ATP8B3: variants seen among roughly 807,000 people sequenced by gnomAD.
The protein encoded by ATP8B3 is ATPase phospholipid transporting 8B3.
A neutral mutation model predicts 140.9 loss-of-function variants in ATP8B3; 141 were observed. The observed-to-expected ratio is 1.00, with a 90% CI of 0.87 to 1.15. The LOEUF is 1.15. Ranked by LOEUF, ATP8B3 falls within the 50% of genes most tolerant of loss-of-function variation. The probability of loss-of-function intolerance (pLI) is 0.00; values close to 1 mark genes in which losing one functional copy is unlikely to be tolerated. For missense variants in ATP8B3, 1,874 were observed against 1,740.6 expected, an observed-to-expected ratio of 1.08 and a Z score of -1.36; for synonymous variants, 765 against 714.6, an observed-to-expected ratio of 1.07 and a Z score of -1.13.
At position 1,806,172 on chromosome 19, in the gene ATP8B3, G is replaced by A. The variant is rs779678890; in HGVS notation, c.678-3C>T. The A allele has an allele frequency of 4.4e-6, 7 of 1,587,402 alleles. No individual in the cohort carries two copies. Among genetic ancestry groups the A allele is most frequent in the Non-Finnish European group, 5.1e-6 (6 of 1,167,454 alleles). Reference sequence around the variant, plus strand: ...CCTGCCATTTCTTCTGCTTGAAGCTGCGGGGAGAGGGGGTTGTGAAGGAGG... The same window carrying A: ...CCTGCCATTTCTTCTGCTTGAAGCTACGGGGAGAGGGGGTTGTGAAGGAGG... On this transcript the variant is annotated splice_region_variant and splice_polypyrimidine_tract_variant and intron_variant, in intron 7 of 28. Coordinates refer to ENST00000310127, the MANE Select transcript of ATP8B3 (RefSeq NM_138813.4). The surrounding 1 kb of genome is among the most constrained non-coding windows in gnomAD (Gnocchi z 5.6).
At chr19:1,797,701 T>C (rs1366465763) in intron 14 of ATP8B3, among the ~76,000 whole-genome samples, 1 of 151,784 alleles carries the variant, frequency 6.6e-6, no homozygotes, top group Non-Finnish European at 1.5e-5. Context: ...GGTTTCACCA[T>C]GTTGGCCAGG....
chr19:1,789,209 G>A, intron 23 of ATP8B3, 89 bp from the exon 24 acceptor site: 1 of 810,326 alleles, frequency 1.2e-6, no homozygotes, highest in Non-Finnish European at 1.8e-6. Flanking sequence ...CCCCCTATCA[G>A]CCCCCCCCAT....
chr19:1,806,116 C>A lies in ATP8B3; in HGVS notation c.731G>T (p.Arg244Leu). ...DLCVGDVVCL[R>L]KDNIVPADML... ...GCTCACTGGGACGATGTTGTCCTTG[C>A]GGAGACAGACCACATCCCCCACGCA... The change falls in exon 8 of 29, where the codon CGC becomes CTC. Residue 244 changes from arginine to leucine, a missense_variant. Transcript: ENST00000310127. The surrounding 1 kb of genome is among the most constrained non-coding windows in gnomAD (Gnocchi z 5.6). The A allele has an allele frequency of 1.9e-6, 3 of 1,602,688 alleles. No individual in the cohort carries two copies. Among genetic ancestry groups the A allele is most frequent in the East Asian group, 2.3e-5 (1 of 44,234 alleles).
intron 20 of ATP8B3, 86 bp from the exon 21 acceptor site, chr19:1,790,918 G>T (rs2068488591): frequency 8.0e-7 from 1 of 1,246,272 alleles, no homozygotes; most frequent in South Asian, 1.4e-5. Context: ...GGTGAATCCT[G>T]GCCCGACCAA....
Position 1,807,330 on chromosome 19 carries a change from C to G in ATP8B3, c.517-64G>C. On this transcript the variant is annotated intron_variant, in intron 5 of 28. Transcript: ENST00000310127. The surrounding 1 kb of genome is among the most constrained non-coding windows in gnomAD (Gnocchi z 5.9). The stretch of plus-strand genomic sequence containing the variant: ...ACTCCCCCGTCCCCTGCCCTTCCAC[C>G]AAGCCGACCTAGCCCCGCACTCGAC... 7.3e-7 allele frequency: 1 copy of G among 1,372,498 alleles called. No individual in the cohort carries two copies. Among genetic ancestry groups the G allele is most frequent in the Non-Finnish European group, 1.0e-6 (1 of 971,410 alleles). 85.0% of individuals were successfully genotyped at this position (1,372,498 alleles called of 1,614,324 possible). A position where few individuals can be genotyped will look rare whatever the true frequency, so the allele number is the denominator to read the frequency against.
Position 1,789,078 on chromosome 19 carries a change from T to A in ATP8B3, c.2888A>T (p.Gln963Leu), listed in dbSNP as rs757030455. 1.9e-6 allele frequency: 3 copies of A among 1,588,154 alleles called. No individual in the cohort carries two copies. The highest frequency in any genetic ancestry group is 3.5e-5 in the Admixed American group (2 of 57,436). Residue 963 changes from glutamine to leucine, a missense_variant, in exon 24 of 29, where the codon CAG becomes CTG. Coordinates refer to ENST00000310127, the MANE Select transcript of ATP8B3 (RefSeq NM_138813.4). ...CACGAAGTCGCTGTTCTGAACTGCC[T>A]GCATGCCCTCCTGGCCCGCCAGCCC... ...GVGLAGQEGM[Q>L]AVQNSDFVLG...
In ATP8B3 at chr19:1,790,714, C is replaced by T. The variant is rs770276081; in HGVS notation, c.2378+43G>A. The T allele has an allele frequency of 2.6e-6, 4 of 1,531,904 alleles. No homozygotes were observed. In the African/African-American group the frequency reaches 5.9e-5, roughly 23 times the overall value. 94.9% of individuals were successfully genotyped at this position (1,531,904 alleles called of 1,614,324 possible). On this transcript the variant is annotated intron_variant, in intron 21 of 28. Coordinates refer to ENST00000310127, the MANE Select transcript of ATP8B3 (RefSeq NM_138813.4). ...GCACCTGGGTGCTCCTTGTCCTCAC[C>T]TCCCCACTCCCCTTGCTCACCCCCC...
At chr19:1,809,593 G>A (rs1276968895) in intron 4 of ATP8B3, 50 bp downstream of exon 4, 14 of 1,497,752 alleles carry the variant, frequency 9.3e-6, no homozygotes, top group Non-Finnish European at 1.2e-5. Context: ...TTCCCCGAGG[G>A]TACCACGGCA....
In ATP8B3 at chr19:1,785,637, G is replaced by C. The variant is rs769203348; in HGVS notation, c.3225C>G (p.Asn1075Lys). 1.2e-6 allele frequency: 2 copies of C among 1,613,348 alleles called. No homozygotes were observed. The highest frequency in any genetic ancestry group is 1.7e-6 in the Non-Finnish European group (2 of 1,179,882). ...YVVGQKDELF[N>K]YWVFVQAIAH... ...CGATGGCTTGGACGAAGACCCAGTAGTTGAAGAGCTCGTCCTTCTGCCCCA... is the reference window on the plus strand; with the variant it reads ...CGATGGCTTGGACGAAGACCCAGTACTTGAAGAGCTCGTCCTTCTGCCCCA... The change falls in exon 26 of 29, where the codon AAC becomes AAG. Residue 1075 changes from asparagine to lysine, a missense_variant. Coordinates refer to ENST00000310127, the MANE Select transcript of ATP8B3 (RefSeq NM_138813.4).
Position 1,804,405 on chromosome 19 carries a change from C to T in ATP8B3, c.904+969G>A, listed in dbSNP as rs556226522. The stretch of plus-strand genomic sequence containing the variant: ...CAGGTGGATCACAAGGTCAGGAGAT[C>T]GAGACCATCCTGGCTAACACGGTGA... On this transcript the variant is annotated intron_variant, in intron 10 of 28. Transcript: ENST00000310127. Among the ~76,000 whole-genome samples the T allele has an allele frequency of 1.3e-4, 20 of 152,244 alleles. No individual in the cohort carries two copies. In the South Asian group the frequency reaches 1.7e-3, roughly 13 times the overall value.
In ATP8B3 at chr19:1,805,930, T is replaced by C. The variant is rs2068999138; in HGVS notation, c.779A>G (p.Glu260Gly). The C allele has an allele frequency of 3.1e-6, 5 of 1,612,650 alleles. No individual in the cohort carries two copies. The highest frequency in any genetic ancestry group is 4.2e-6 in the Non-Finnish European group (5 of 1,179,822). Reference sequence around the variant, plus strand: ...CTCCACATAGCACAGGCTGCTGGGCTCCGTGCTGGCCAGCAAGAGCATGTC... The same window carrying C: ...CTCCACATAGCACAGGCTGCTGGGCCCCGTGCTGGCCAGCAAGAGCATGTC... ...PADMLLLAST[E>G]PSSLCYVETV... Residue 260 changes from glutamate to glycine, a missense_variant, in exon 9 of 29, where the codon GAG becomes GGG. Glu to Gly is a moderately conservative substitution (Grantham distance 98). This residue lies in a region of ATP8B3 where 1,032 missense variants were observed against 963.6 expected (regional missense o/e 1.07). Transcript: ENST00000310127. This position sits in a 1 kb window ranked among gnomAD's most constrained non-coding sequence, Gnocchi z 5.2.
At chr19:1,796,573 C>T in intron 16 of ATP8B3, 138 bp downstream of exon 16, 2 of 1,158,498 alleles carry the variant, frequency 1.7e-6, no homozygotes, top group Non-Finnish European at 2.4e-6. Flanking sequence ...CGAGGTGCGG[C>T]TGGTGTCACA....
intron 18 of ATP8B3, among the ~76,000 whole-genome samples, chr19:1,795,132 G>T (rs1378052142): frequency 1.3e-5 from 2 of 152,170 alleles, no homozygotes; most frequent in Non-Finnish European, 2.9e-5. Context: ...GCGGGCGCCT[G>T]TAGTCTCAGC....
chr19:1,811,451 G>C, intron 2 of ATP8B3, 38 bp downstream of exon 2: 1 of 1,592,576 alleles, frequency 6.3e-7, no homozygotes, highest in East Asian at 2.2e-5. Context: ...CCAAGCCCCT[G>C]CCCCTGTGTT....
In ATP8B3 at chr19:1,790,842, A is replaced by C. The variant is rs761650678; in HGVS notation, c.2303-10T>G. The C allele has an allele frequency of 1.3e-6, 2 of 1,588,850 alleles. No individual in the cohort carries two copies. Among genetic ancestry groups the C allele is most frequent in the African/African-American group, 2.7e-5 (2 of 74,356 alleles). ...ATGTTCACAGCCGTTTCTGCGAAGC[A>C]GACCAGCTCAGCGCCTCTGCGACCC... On this transcript the variant is annotated splice_polypyrimidine_tract_variant and intron_variant, in intron 20 of 28. Coordinates refer to ENST00000310127, the MANE Select transcript of ATP8B3 (RefSeq NM_138813.4).
rs773034668 is a variant in ATP8B3 at position 1,805,852 on chromosome 19, C to A, written c.821+36G>T. ...GGGCTCCTCCGGGCCATGCTCCCCA[C>A]CCCCCAGGGTCCCCAGCGATGCCAC... On this transcript the variant is annotated intron_variant, in intron 9 of 28. Transcript: ENST00000310127. This position sits in a 1 kb window ranked among gnomAD's most constrained non-coding sequence, Gnocchi z 5.2. 1 of 1,610,094 alleles carries A rather than the reference C, an allele frequency of 6.2e-7. No homozygotes were observed. The highest frequency in any genetic ancestry group is 2.2e-5 in the East Asian group (1 of 44,828).
At position 1,800,395 on chromosome 19, in the gene ATP8B3, AGAAACC is replaced by A; in HGVS notation, c.1201_1206del (p.Gly401_Phe402del). ...TGGTGGTCTTTGAATTCTTTGACTG[AGAAACC>A]GAAGCCGAAGGCCAACACCAGGCAG... On this transcript the variant is annotated inframe_deletion, in exon 13 of 29. Transcript: ENST00000310127. This position sits in a 1 kb window ranked among gnomAD's most constrained non-coding sequence, Gnocchi z 4.4. 1 of 1,612,570 alleles carries A rather than the reference AGAAACC, an allele frequency of 6.2e-7. No homozygotes were observed. The highest frequency in any genetic ancestry group is 8.5e-7 in the Non-Finnish European group (1 of 1,179,750).
At chr19:1,803,410 A>G (rs1472801824) in intron 10 of ATP8B3, among the ~76,000 whole-genome samples, 1 of 152,196 alleles carries the variant, frequency 6.6e-6, no homozygotes, top group Admixed American at 6.5e-5. Flanking sequence ...GCAGAGAACC[A>G]CAGGGCAAGC....
chr19:1,805,257 G>T lies in ATP8B3; in HGVS notation c.904+117C>A. The T allele has an allele frequency of 2.0e-6, 2 of 1,005,888 alleles. No homozygotes were observed. Among genetic ancestry groups the T allele is most frequent in the Non-Finnish European group, 3.0e-6 (2 of 658,054 alleles). 62.3% of individuals were successfully genotyped at this position (1,005,888 alleles called of 1,614,324 possible). A position where few individuals can be genotyped will look rare whatever the true frequency, so the allele number is the denominator to read the frequency against. ...CCCAAAGTGCTGGGATTCCAGGTGT[G>T]AGCCACTGGGCCTGGCCAGCACCTT... is the stretch of plus-strand genomic sequence containing the variant. On this transcript the variant is annotated intron_variant, in intron 10 of 28. Coordinates refer to ENST00000310127, the MANE Select transcript of ATP8B3 (RefSeq NM_138813.4). The surrounding 1 kb of genome is among the most constrained non-coding windows in gnomAD (Gnocchi z 5.2).
Sources: allele counts gnomAD v4.1 joint callset (sites outside exome capture counted in the v4.1 genomes callset), GRCh38; gene constraint gnomAD v4.1.1; regional missense constraint gnomAD v4.1.1; non-coding constraint Gnocchi (gnomAD v3.1); transcripts MANE v1.5; gene names NCBI Gene and HGNC (gene_info 2026-07-23, HGNC 2026-07-21).